RAD51B: variants seen among roughly 807,000 people sequenced by gnomAD.
RAD51B encodes the protein DNA repair protein RAD51 homolog 2.
A neutral mutation model predicts 42.2 loss-of-function variants in RAD51B; 38 were observed. The ratio of observed to expected loss-of-function variants is 0.90; its 90% CI spans 0.70 to 1.18. The LOEUF (loss-of-function observed/expected upper bound fraction) is 1.18, where lower values mean the gene tolerates loss of function less well. Ranked by LOEUF, RAD51B falls within the 50% of genes most tolerant of loss-of-function variation. The probability of loss-of-function intolerance (pLI) is 0.00; values close to 1 mark genes in which losing one functional copy is unlikely to be tolerated. For missense variants in RAD51B, 373 were observed against 400.7 expected (o/e 0.93, Z 0.59); for synonymous variants, 154 against 145.2 (o/e 1.06, Z -0.43).
intron 7 of RAD51B, among the ~76,000 whole-genome samples, chr14:68,249,602 T>C (rs2080576329): frequency 6.6e-6 from 1 of 152,234 alleles, no homozygotes; most frequent in Non-Finnish European, 1.5e-5. Context: ...AAAAACCAAC[T>C]GGACTATAGT....
Position 68,677,962 on chromosome 14 carries a change from A to G in RAD51B, c.*11+27106A>G, listed in dbSNP as rs377512023. ...ATGCTCCAGCTCCACCTCCACCTCCATAGTGCCATGAATACTGGCTCCCTT... is the reference window on the plus strand; with the variant it reads ...ATGCTCCAGCTCCACCTCCACCTCCGTAGTGCCATGAATACTGGCTCCCTT... On this transcript the variant is annotated intron_variant, in intron 11 of 11. Coordinates refer to the RAD51B transcript ENST00000488612. Among the ~76,000 whole-genome samples the G allele has an allele frequency of 5.9e-5, 9 of 152,072 alleles. 1 individual carries two copies. The highest frequency in any genetic ancestry group is 3.9e-4 in the East Asian group (2 of 5,164).
chr14:68,244,001 T>G (rs2080443316), intron 7 of RAD51B, among the ~76,000 whole-genome samples: 4 of 152,238 alleles, frequency 2.6e-5, no homozygotes, highest in African/African-American at 9.6e-5. Flanking sequence ...GATGACCTGC[T>G]TCCAGTGTAT....
chr14:68,525,324 AGACTTTT>A (rs1886856170), intron 10 of RAD51B, among the ~76,000 whole-genome samples: 2 of 152,272 alleles, frequency 1.3e-5, no homozygotes, highest in African/African-American at 4.8e-5. Flanking sequence ...GACCCATGTC[AGACTTTT>A]GGCCTCCAGA....
chr14:67,845,383 T>G (rs1056757615), intron 4 of RAD51B, among the ~76,000 whole-genome samples: 2 of 152,190 alleles, frequency 1.3e-5, no homozygotes, highest in Admixed American at 6.5e-5. Flanking sequence ...AATTCTTGGT[T>G]GGGGCTGGGT....
chr14:68,494,065 C>G (rs546462870), intron 10 of RAD51B, among the ~76,000 whole-genome samples: 1 of 151,980 alleles, frequency 6.6e-6, no homozygotes, highest in Non-Finnish European at 1.5e-5. Flanking sequence ...CAGTTGAGGT[C>G]AGGAGTTTGA....
intron 9 of RAD51B, among the ~76,000 whole-genome samples, chr14:68,424,542 T>C (rs1046929573): frequency 6.6e-6 from 1 of 152,230 alleles, no homozygotes; most frequent in Non-Finnish European, 1.5e-5. Flanking sequence ...TACTGTTCCA[T>C]ACTGACCTGC....
intron 7 of RAD51B, among the ~76,000 whole-genome samples, chr14:67,970,670 A>G (rs2074878844): frequency 6.6e-6 from 1 of 152,064 alleles, no homozygotes; most frequent in South Asian, 2.1e-4. Flanking sequence ...TCTAAATTCC[A>G]CTTCTCACCT....
intron 7 of RAD51B, among the ~76,000 whole-genome samples, chr14:67,918,359 C>T (rs1363634363): frequency 2.6e-5 from 4 of 152,096 alleles, no homozygotes; most frequent in South Asian, 2.1e-4. Context: ...CTCAGCCTCC[C>T]GAGTAGCTGG....
At chr14:68,595,206 C>G (rs1465263278) in exon 11 of RAD51B, 2 of 1,062,120 alleles carry the variant, frequency 1.9e-6, no homozygotes, top group Non-Finnish European at 2.3e-6. Flanking sequence ...ATGGAAAATC[C>G]TAAACATGGA....
chr14:68,665,026 C>T (rs1443156974), intron 11 of RAD51B, among the ~76,000 whole-genome samples: 2 of 152,248 alleles, frequency 1.3e-5, no homozygotes, highest in Admixed American at 6.5e-5. Flanking sequence ...ACATAATGCA[C>T]CAAGGGTAAG....
At chr14:67,970,336 G>A (rs1188878916) in intron 7 of RAD51B, among the ~76,000 whole-genome samples, 3 of 152,054 alleles carry the variant, frequency 2.0e-5, no homozygotes, top group Non-Finnish European at 2.9e-5. Flanking sequence ...GTTCTTTTAG[G>A]CCAGCAAAAG....
intron 4 of RAD51B, among the ~76,000 whole-genome samples, chr14:67,837,611 G>T (rs2041286890): frequency 6.8e-6 from 1 of 146,680 alleles, no homozygotes; most frequent in South Asian, 2.1e-4. Context: ...TGAGTACAGG[G>T]AGTATATCAA....
intron 7 of RAD51B, among the ~76,000 whole-genome samples, chr14:67,889,759 G>T (rs1481747204): frequency 6.6e-6 from 1 of 152,010 alleles, no homozygotes; most frequent in Non-Finnish European, 1.5e-5. Context: ...ATTGAAAACA[G>T]ATGTATTAAT....
chr14:67,851,494 G>A (rs2041805958), intron 4 of RAD51B, among the ~76,000 whole-genome samples: 1 of 152,134 alleles, frequency 6.6e-6, no homozygotes, highest in South Asian at 2.1e-4. Flanking sequence ...GTCCTGGTTG[G>A]GGAGTGGGCA....
chr14:67,965,261 T>G (rs4902543), intron 7 of RAD51B, among the ~76,000 whole-genome samples: 10,782 of 152,228 alleles, frequency 0.071, 942 homozygotes, highest in African/African-American at 0.21. Context: ...TTATGTTCCC[T>G]TGGTCTTCAC....
intron 8 of RAD51B, among the ~76,000 whole-genome samples, chr14:68,366,596 G>C (rs1410442203): frequency 1.3e-5 from 2 of 152,196 alleles, no homozygotes; most frequent in Non-Finnish European, 2.9e-5. Context: ...CTTGCCTATT[G>C]ACAAATCCCA....
chr14:68,592,383 A>G (rs1890792477), intron 10 of RAD51B, among the ~76,000 whole-genome samples: 1 of 152,214 alleles, frequency 6.6e-6, no homozygotes, highest in East Asian at 1.9e-4. Flanking sequence ...AATAATAACA[A>G]TCATAATACT....
chr14:67,921,008 T>C lies in RAD51B; in HGVS notation c.756+33804T>C, dbSNP rs553983800. 3.9e-5 allele frequency among the ~76,000 whole-genome samples: 6 copies of C among 152,308 alleles called. No homozygotes were observed. The South Asian group carries it at 1.0e-3, about 26-fold the overall frequency. On this transcript the variant is annotated intron_variant, in intron 7 of 10. Coordinates refer to ENST00000471583, the MANE Select transcript of RAD51B (RefSeq NM_133510.4). ...AGTAATGGGGAAGACCGGGGAAACATTGAGAACCATCTCATAGAGCAGGCA... is the reference window on the plus strand; with the variant it reads ...AGTAATGGGGAAGACCGGGGAAACACTGAGAACCATCTCATAGAGCAGGCA...
chr14:67,916,362 C>T (rs1285189726), intron 7 of RAD51B, among the ~76,000 whole-genome samples: 2 of 151,992 alleles, frequency 1.3e-5, no homozygotes, highest in East Asian at 3.9e-4. Context: ...TTACTTCAGC[C>T]TTCTGAGTAC....
Sources: gnomAD v4.1 joint callset for allele counts (sites outside exome capture counted in the v4.1 genomes callset) on GRCh38, gnomAD v4.1.1 for gene constraint, MANE v1.5 for transcripts, NCBI Gene and HGNC (gene_info 2026-07-23, HGNC 2026-07-21) for gene names.